Variants in F9 observed in about 807,000 individuals in gnomAD.
F9 encodes coagulation factor IX.
F9 carries 2 observed loss-of-function variants against 34.1 expected under a neutral mutation model. The observed-to-expected ratio is 0.06, with a 90% CI of 0.02 to 0.18. The LOEUF is 0.18. Ranked by LOEUF, F9 falls within the 10% of genes least tolerant of loss-of-function variation. The pLI, the probability that F9 is intolerant of heterozygous loss-of-function variation, is 1.00. For synonymous variants in F9, 137 were observed against 118.8 expected (o/e 1.15, Z -1.00); for missense variants, 216 against 345.1 (o/e 0.63, Z 2.96).
intron 5 of F9, among the ~76,000 whole-genome samples, chrX:139,550,643 A>G (rs747164716): frequency 5.4e-5 from 6 of 111,815 alleles, no homozygotes; most frequent in Non-Finnish European, 9.4e-5. Flanking sequence ...CTTAATCATA[A>G]GCAGCAGAAG....
intron 1 of F9, among the ~76,000 whole-genome samples, 157 bp from the exon 2 acceptor site, chrX:139,536,847 TATACAG>T (rs1370792101): frequency 4.4e-5 from 5 of 112,536 alleles, no homozygotes; most frequent in Non-Finnish European, 9.4e-5. Context: ...TCTCCATGTG[TATACAG>T]TACTGTGGGA....
intron 4 of F9, among the ~76,000 whole-genome samples, chrX:139,545,408 G>A (rs1278740144): frequency 9.0e-6 from 1 of 111,423 alleles, no homozygotes; most frequent in Non-Finnish European, 1.9e-5. Context: ...AGAAACAAAG[G>A]GAAAGCACAG....
intron 6 of F9, among the ~76,000 whole-genome samples, chrX:139,552,785 G>A: frequency 8.9e-6 from 1 of 112,217 alleles, no homozygotes; most frequent in Non-Finnish European, 1.9e-5. Flanking sequence ...TGATTTAGTA[G>A]TAATTTCATG....
At chrX:139,535,575 T>C (rs1417049137) in intron 1 of F9, among the ~76,000 whole-genome samples, 1 of 111,101 alleles carries the variant, frequency 9.0e-6, no homozygotes, top group East Asian at 2.8e-4. Context: ...TTGGAGTTAA[T>C]CAGGAAGTAG....
At chrX:139,533,946 T>C (rs375959491) in intron 1 of F9, among the ~76,000 whole-genome samples, 5 of 112,033 alleles carry the variant, frequency 4.5e-5, no homozygotes, top group African/African-American at 1.6e-4. Context: ...GCTGGATGGA[T>C]AACAGGAGTT....
intron 1 of F9, among the ~76,000 whole-genome samples, chrX:139,531,900 G>C (rs1345759684): frequency 2.7e-5 from 3 of 112,464 alleles, no homozygotes; most frequent in Non-Finnish European, 5.6e-5. Flanking sequence ...AGCAAAGTGA[G>C]TAAAGTCAAG....
At chrX:139,535,236 G>A (rs899957049) in intron 1 of F9, among the ~76,000 whole-genome samples, 1 of 111,161 alleles carries the variant, frequency 9.0e-6, no homozygotes, top group Non-Finnish European at 1.9e-5. Flanking sequence ...GCGGGTGCCT[G>A]TAATCCCAGC....
intron 4 of F9, among the ~76,000 whole-genome samples, chrX:139,543,294 G>A (rs1188419696): frequency 9.0e-6 from 1 of 111,244 alleles, no homozygotes; most frequent in Admixed American, 9.7e-5. Flanking sequence ...GGGTCCCTTT[G>A]GTTAGAATAA....
chrX:139,553,885 C>T (rs1211756893), intron 6 of F9, among the ~76,000 whole-genome samples: 1 of 96,989 alleles, frequency 1.0e-5, no homozygotes, highest in Non-Finnish European at 2.0e-5. Context: ...GTGAGTTTAG[C>T]ATTGTCTCCT....
chrX:139,545,121 T>A (rs1927686071), intron 4 of F9: 1 of 111,833 alleles, frequency 8.9e-6, no homozygotes, highest in African/African-American at 3.3e-5. Context: ...CAGGTGAAGC[T>A]GAGAAGAATG....
chrX:139,539,313 C>CA (rs1927551831), intron 3 of F9, among the ~76,000 whole-genome samples: 1 of 112,320 alleles, frequency 8.9e-6, no homozygotes, highest in African/African-American at 3.2e-5. Flanking sequence ...GTTGGGGAGT[C>CA]ATGAAGCCCA....
At chrX:139,552,929 G>A (rs1927878472) in intron 6 of F9, among the ~76,000 whole-genome samples, 2 of 111,976 alleles carry the variant, frequency 1.8e-5, no homozygotes, top group South Asian at 3.7e-4. Context: ...AATTTTCTGG[G>A]ACTAGCTGTG....
At chrX:139,553,086 A>C (rs184865185) in intron 6 of F9, among the ~76,000 whole-genome samples, 173 of 112,049 alleles carry the variant, frequency 1.5e-3, no homozygotes, top group Admixed American at 9.3e-3. Context: ...CATCACAATC[A>C]AGGTTTTCCC....
At position 139,562,912 on chromosome X, in the gene F9, C is replaced by CGT. The variant is rs1286644353; in HGVS notation, c.*848_*849dup. ...TATAAATATATAGTGTGTGTGTATG[C>CGT]GTGTGTGTAGACACACACGCATACA... On this transcript the variant is annotated 3_prime_UTR_variant, in exon 8 of 8. Coordinates refer to ENST00000218099, the MANE Select transcript of F9 (RefSeq NM_000133.4). 1.0e-5 allele frequency: 1 copy of CGT among 96,585 alleles called. No individual in the cohort carries two copies. Among genetic ancestry groups the CGT allele is most frequent in the East Asian group, 3.3e-4 (1 of 3,041 alleles). 8.0% of individuals were successfully genotyped at this position (96,585 alleles called of 1,213,427 possible).
chrX:139,536,852 A>G (rs1472781205), intron 1 of F9, among the ~76,000 whole-genome samples, 158 bp from the exon 2 acceptor site: 1 of 112,643 alleles, frequency 8.9e-6, no homozygotes. Context: ...ATGTGTATAC[A>G]GTACTGTGGG....
At position 139,551,125 on chromosome X, in the gene F9, T is replaced by G. The variant is rs374674030; in HGVS notation, c.584T>G (p.Val195Gly). The G allele has an allele frequency of 3.3e-6, 4 of 1,209,607 alleles. No homozygotes were observed. In the African/African-American group the frequency reaches 5.2e-5, roughly 16 times the overall value. ...QTSKLTRAET[V>G]FPDVDYVNST... Reference sequence around the variant, plus strand: ...TCTAAGCTCACCCGTGCTGAGACTGTTTTTCCTGATGTGGACTATGTAAAT... The same window carrying G: ...TCTAAGCTCACCCGTGCTGAGACTGGTTTTCCTGATGTGGACTATGTAAAT... The change falls in exon 6 of 8, where the codon GTT (valine) becomes GGT (glycine). Residue 195 changes from valine to glycine, a missense_variant. This residue lies in a region of F9 where 177 missense variants were observed against 311.8 expected (regional missense o/e 0.57). Transcript: ENST00000218099.
intron 7 of F9, 78 bp from the exon 8 acceptor site, chrX:139,561,446 T>C: frequency 1.1e-6 from 1 of 890,292 alleles, no homozygotes; most frequent in East Asian, 3.1e-5. Context: ...ATTAGGTCAG[T>C]GGTCCCAAGT....
chrX:139,559,233 A>G (rs985008652), intron 6 of F9, among the ~76,000 whole-genome samples: 13 of 112,394 alleles, frequency 1.2e-4, no homozygotes, highest in African/African-American at 4.2e-4. Context: ...TTTTTACAAC[A>G]TTTCAGAATT....
rs1928054577 is a variant in F9, at chrX:139,559,763, CTG to C, written c.724-973_724-972del. The stretch of plus-strand genomic sequence containing the variant: ...TTTATGAATGGGTTCATGCCTAAGA[CTG>C]TGTGCACTTTAATACAAGGGCAGTC... On this transcript the variant is annotated intron_variant, in intron 6 of 7. Coordinates refer to ENST00000218099, the MANE Select transcript of F9 (RefSeq NM_000133.4). Among the ~76,000 whole-genome samples, 4 of 111,930 alleles carry C rather than the reference CTG, an allele frequency of 3.6e-5. No individual in the cohort carries two copies. In the South Asian group the frequency reaches 1.5e-3, roughly 42 times the overall value.
Sources: gnomAD v4.1 joint callset for allele counts (sites outside exome capture counted in the v4.1 genomes callset) on GRCh38, gnomAD v4.1.1 for gene constraint, gnomAD v4.1.1 regional missense constraint, MANE v1.5 for transcripts, NCBI Gene and HGNC (gene_info 2026-07-23, HGNC 2026-07-21) for gene names.